The following NFX1 variants were observed in gnomAD, a reference collection of about 807,000 sequenced individuals.
NFX1 encodes transcriptional repressor NF-X1.
In NFX1, 69 loss-of-function variants were observed where a neutral mutation model predicts 137.2. The ratio of observed to expected loss-of-function variants is 0.50; its 90% CI spans 0.41 to 0.61. The LOEUF (loss-of-function observed/expected upper bound fraction) is 0.61. Among genes scored for constraint, NFX1 ranks in the 20% least tolerant of loss-of-function variants. NFX1 has a pLI of 0.00. For missense variants in NFX1, 1,167 were observed against 1,391.0 expected, an observed-to-expected ratio of 0.84 and a Z score of 2.56; for synonymous variants, 495 against 474.1, an observed-to-expected ratio of 1.04 and a Z score of -0.57.
rs372707178 is a variant in NFX1, at chr9:33,363,967, C to G, written c.2874-43C>G. On this transcript the variant is annotated intron_variant, in intron 19 of 23. Coordinates refer to ENST00000379540, the MANE Select transcript of NFX1 (RefSeq NM_002504.6). ...ACTCGGGGTTACTGCAAGATAGTTTCCCTCCCACTCCTTTTATTTGCATAC... is the reference window on the plus strand; with the variant it reads ...ACTCGGGGTTACTGCAAGATAGTTTGCCTCCCACTCCTTTTATTTGCATAC... The G allele has an allele frequency of 2.8e-4, 390 of 1,369,104 alleles. 8 individuals are homozygous for G. The South Asian group carries it at 5.2e-3, about 18-fold the overall frequency. The allele number at this position is 1,369,104 out of a possible 1,614,324, so 84.8% of individuals were successfully genotyped here.
intron 7 of NFX1, among the ~76,000 whole-genome samples, chr9:33,314,783 G>A (rs1822094631): frequency 6.6e-6 from 1 of 152,286 alleles, no homozygotes; most frequent in South Asian, 2.1e-4. Context: ...ATTGGGGGAA[G>A]GGACACAAAT....
Position 33,295,196 on chromosome 9 carries a change from C to G in NFX1, c.802C>G (p.Arg268Gly), listed in dbSNP as rs766710851. The change falls in exon 2 of 24, where the codon CGA (arginine) becomes GGA (glycine). Residue 268 changes from arginine to glycine, a missense_variant. Coordinates refer to ENST00000379540, the MANE Select transcript of NFX1 (RefSeq NM_002504.6). Reference protein sequence around the residue: ...GRNPPKQEGHRHTNAGHRNNM... With the variant: ...GRNPPKQEGHGHTNAGHRNNM... ...AAATCCACCAAAACAGGAGGGCCAC[C>G]GACATACAAACGCAGGACACAGAAA... 8 of 1,614,090 alleles carry G rather than the reference C, an allele frequency of 5.0e-6. No individual in the cohort carries two copies. In the East Asian group the frequency reaches 1.3e-4, roughly 27 times the overall value.
At chr9:33,322,784 CTT>C (rs1163746091) in intron 9 of NFX1, among the ~76,000 whole-genome samples, 1 of 152,156 alleles carries the variant, frequency 6.6e-6, no homozygotes, top group African/African-American at 2.4e-5. Context: ...AAGGAACTGA[CTT>C]TATTTGAAAC....
intron 11 of NFX1, among the ~76,000 whole-genome samples, chr9:33,336,776 T>C (rs936975933): frequency 9.9e-5 from 15 of 152,156 alleles, no homozygotes; most frequent in Non-Finnish European, 1.5e-5. Flanking sequence ...CTTAATTAAC[T>C]TTTAATTAAG....
intron 9 of NFX1, among the ~76,000 whole-genome samples, chr9:33,321,862 G>A (rs539755129): frequency 6.7e-6 from 1 of 150,168 alleles, no homozygotes; most frequent in African/African-American, 2.4e-5. Context: ...TAGGCTGACA[G>A]AGTGAGACCC....
chr9:33,361,642 G>A (rs1213717131), intron 19 of NFX1, among the ~76,000 whole-genome samples: 3 of 151,520 alleles, frequency 2.0e-5, no homozygotes, highest in South Asian at 2.1e-4. Context: ...GCATGGTTGC[G>A]GGCGCCTGTA....
chr9:33,358,853 C>G (rs1823902167), intron 19 of NFX1, among the ~76,000 whole-genome samples: 1 of 150,880 alleles, frequency 6.6e-6, no homozygotes, highest in Admixed American at 6.6e-5. Flanking sequence ...TGTACCACAC[C>G]CAGCTAATTT....
rs1193070144 is a variant in NFX1 at position 33,358,684 on chromosome 9, A to G, written c.2873+3792A>G. Among the ~76,000 whole-genome samples, 7 of 69,784 alleles carry G rather than the reference A, an allele frequency of 1.0e-4. No homozygotes were observed. In the South Asian group the frequency reaches 3.3e-3, roughly 33 times the overall value. The allele number at this position is 69,784 out of a possible 152,430, so 45.8% of individuals were successfully genotyped here. A position where few individuals can be genotyped will look rare whatever the true frequency, so the allele number is the denominator to read the frequency against. ...TTTTTTTTTTTTTTTTTTTTTTGAT[A>G]CAGAGTCTCACTCTGTCTCCCAGGC... On this transcript the variant is annotated intron_variant, in intron 19 of 23. Transcript: ENST00000379540.
intron 9 of NFX1, among the ~76,000 whole-genome samples, chr9:33,325,557 G>A (rs1444322816): frequency 6.6e-6 from 1 of 152,120 alleles, no homozygotes; most frequent in Non-Finnish European, 1.5e-5. Flanking sequence ...CCAGCTACTC[G>A]GGATGCTGAG....
chr9:33,346,937 G>A, intron 14 of NFX1, 101 bp from the exon 15 acceptor site: 1 of 814,878 alleles, frequency 1.2e-6, no homozygotes, highest in Non-Finnish European at 1.9e-6. Flanking sequence ...CCCAGTTTCT[G>A]AATTTAAAAG....
At chr9:33,347,225 G>A in intron 15 of NFX1, 108 bp downstream of exon 15, 2 of 839,264 alleles carry the variant, frequency 2.4e-6, no homozygotes, top group Non-Finnish European at 3.8e-6. Flanking sequence ...CTCAGAAGTA[G>A]AAGCTTTCCA....
intron 14 of NFX1, 94 bp downstream of exon 14, chr9:33,344,282 T>G: frequency 6.5e-7 from 1 of 1,538,268 alleles, no homozygotes; most frequent in Non-Finnish European, 8.9e-7. Context: ...AGAGTCATGC[T>G]GTGATGGCTG....
chr9:33,322,887 A>G (rs535133206), intron 9 of NFX1, among the ~76,000 whole-genome samples: 3 of 152,332 alleles, frequency 2.0e-5, no homozygotes, highest in South Asian at 2.1e-4. Flanking sequence ...CTAGTTCATC[A>G]GAGAGAATCA....
rs1362018384 is a variant in NFX1, at chr9:33,363,997, C to G, written c.2874-13C>G. 2 of 1,545,716 alleles carry G rather than the reference C, an allele frequency of 1.3e-6. No homozygotes were observed. Among genetic ancestry groups the G allele is most frequent in the South Asian group, 1.2e-5 (1 of 81,262 alleles). ...CCACTCCTTTTATTTGCATACCTCT[C>G]TCTCTCTTTCAGGAGATTAGCAGAG... On this transcript the variant is annotated splice_polypyrimidine_tract_variant and intron_variant, in intron 19 of 23. Transcript: ENST00000379540.
At chr9:33,315,353 A>G (rs1822120094) in intron 7 of NFX1, among the ~76,000 whole-genome samples, 1 of 152,106 alleles carries the variant, frequency 6.6e-6, no homozygotes, top group South Asian at 2.1e-4. Context: ...AGCTCACTGT[A>G]TTTTTAGGTA....
chr9:33,293,370 G>A (rs982844242), intron 1 of NFX1, among the ~76,000 whole-genome samples: 1 of 152,210 alleles, frequency 6.6e-6, no homozygotes, highest in African/African-American at 2.4e-5. Context: ...CAATGCTCAA[G>A]CCTGTGTGTT....
rs548017001 is a variant in NFX1, at chr9:33,355,737, C to T, written c.2873+845C>T. ...TTGGCTCACTGCCACCTCTGCCTCC[C>T]GGGTTCAAGCGATTCTCTTGCCTTA... On this transcript the variant is annotated intron_variant, in intron 19 of 23. Coordinates refer to ENST00000379540, the MANE Select transcript of NFX1 (RefSeq NM_002504.6). 7.3e-5 allele frequency among the ~76,000 whole-genome samples: 11 copies of T among 150,900 alleles called. No individual in the cohort carries two copies. In the South Asian group the frequency reaches 8.4e-4, roughly 12 times the overall value.
At chr9:33,323,752 CAAAA>C (rs1379726793) in intron 9 of NFX1, among the ~76,000 whole-genome samples, 1 of 117,134 alleles carries the variant, frequency 8.5e-6, no homozygotes, top group African/African-American at 3.1e-5. Flanking sequence ...GACTTCATCT[CAAAA>C]AAAAAAACAA....
rs559220222 is a variant in NFX1 at position 33,366,232 on chromosome 9, C to CA, written c.3040-396dup. ...GCTTGTGTGTCTGTATCTGAATACT[C>CA]ACGATTTTTAAAGTAGAACATACTT... On this transcript the variant is annotated intron_variant, in intron 21 of 23. Coordinates refer to ENST00000379540, the MANE Select transcript of NFX1 (RefSeq NM_002504.6). Among the ~76,000 whole-genome samples the CA allele has an allele frequency of 3.9e-5, 6 of 152,246 alleles. No homozygotes were observed. The East Asian group carries it at 5.8e-4, about 15-fold the overall frequency.
Sources: gnomAD v4.1 joint callset for allele counts (sites outside exome capture counted in the v4.1 genomes callset) on GRCh38, gnomAD v4.1.1 for gene constraint, MANE v1.5 for transcripts, NCBI Gene and HGNC (gene_info 2026-07-23, HGNC 2026-07-21) for gene names.